The following TMEM132C variants were observed in gnomAD, a reference collection of about 807,000 sequenced individuals.
TMEM132C encodes the protein protein phosphatase 1, regulatory subunit 152.
Under a neutral mutation model 61.4 loss-of-function variants are expected in TMEM132C, and 29 were observed. The observed-to-expected ratio is 0.47, with a 90% CI of 0.35 to 0.64. TMEM132C has a LOEUF of 0.64. Ranked by LOEUF, TMEM132C falls within the 30% of genes least tolerant of loss-of-function variation. The pLI is 0.00. For missense variants in TMEM132C, 1,408 were observed against 1,476.9 expected (o/e 0.95, Z 0.76); for synonymous variants, 656 against 633.1 (o/e 1.04, Z -0.54).
intron 1 of TMEM132C, among the ~76,000 whole-genome samples, chr12:128,317,989 C>A (rs552809200): frequency 1.3e-4 from 20 of 152,210 alleles, no homozygotes; most frequent in African/African-American, 4.8e-4. Flanking sequence ...GAGAAGACAT[C>A]AAAAATATAG....
Position 128,331,409 on chromosome 12 carries a change from C to T in TMEM132C, c.85+63922C>T, listed in dbSNP as rs969098006. 1.3e-5 allele frequency among the ~76,000 whole-genome samples: 2 copies of T among 152,188 alleles called. 1 individual carries two copies. The highest frequency in any genetic ancestry group is 2.9e-5 in the Non-Finnish European group (2 of 67,998). On this transcript the variant is annotated intron_variant, in intron 1 of 8. Coordinates refer to ENST00000435159, the MANE Select transcript of TMEM132C (RefSeq NM_001136103.3). ...AACATGCGAATAATGTACATTGTAC[C>T]CATTAACTAATTTCTCAATACTTCT...
chr12:128,485,344 T>G (rs1871450488), intron 2 of TMEM132C, among the ~76,000 whole-genome samples: 1 of 152,042 alleles, frequency 6.6e-6, no homozygotes, highest in Non-Finnish European at 1.5e-5. Context: ...ACCCAGCTAA[T>G]TTTTGTATTT....
chr12:128,374,716 A>T (rs1203999744), intron 1 of TMEM132C, among the ~76,000 whole-genome samples: 2 of 145,528 alleles, frequency 1.4e-5, no homozygotes, highest in African/African-American at 5.0e-5. Flanking sequence ...CAGTGCAGAG[A>T]TAAGGCCAGC....
intron 2 of TMEM132C, among the ~76,000 whole-genome samples, chr12:128,464,306 C>T (rs1351850031): frequency 6.6e-6 from 1 of 152,142 alleles, no homozygotes; most frequent in East Asian, 1.9e-4. Context: ...ACCTCCCTTT[C>T]TCCCCTGCAT....
At chr12:128,500,771 A>G (rs1370803703) in intron 2 of TMEM132C, among the ~76,000 whole-genome samples, 1 of 152,306 alleles carries the variant, frequency 6.6e-6, no homozygotes, top group South Asian at 2.1e-4. Context: ...CAATTTGTCA[A>G]TTTCTCAGAA....
chr12:128,421,577 T>C (rs1441349528), intron 2 of TMEM132C, among the ~76,000 whole-genome samples: 1 of 151,542 alleles, frequency 6.6e-6, no homozygotes, highest in Admixed American at 6.6e-5. Context: ...TGAACCTTCT[T>C]GGCAAGATCA....
At position 128,625,673 on chromosome 12, in the gene TMEM132C, C is replaced by T. The variant is rs147250765; in HGVS notation, c.1305+9338C>T. ...GAACAGCATAGGGGAAACTGCCCCC[C>T]GTGATTCAATTATTTCCCACTGGGC... On this transcript the variant is annotated intron_variant, in intron 4 of 8. Transcript: ENST00000435159. 8.5e-5 allele frequency among the ~76,000 whole-genome samples: 13 copies of T among 152,296 alleles called. No individual in the cohort carries two copies. In the East Asian group the frequency reaches 1.5e-3, roughly 18 times the overall value.
intron 1 of TMEM132C, among the ~76,000 whole-genome samples, chr12:128,346,606 A>G (rs1414803219): frequency 6.6e-6 from 1 of 152,148 alleles, no homozygotes; most frequent in Non-Finnish European, 1.5e-5. Flanking sequence ...CTTCTTATAG[A>G]GATCCTTCAT....
intron 3 of TMEM132C, among the ~76,000 whole-genome samples, chr12:128,585,124 A>G (rs1875494025): frequency 6.6e-6 from 1 of 152,234 alleles, no homozygotes; most frequent in African/African-American, 2.4e-5. Flanking sequence ...AAACGTCTCT[A>G]CACGTACAGG....
intron 3 of TMEM132C, among the ~76,000 whole-genome samples, chr12:128,581,067 CTTA>C (rs1441378685): frequency 6.6e-6 from 1 of 152,044 alleles, no homozygotes; most frequent in African/African-American, 2.4e-5. Context: ...AGCTGAGGGT[CTTA>C]TTATGAAGAA....
At position 128,669,581 on chromosome 12, in the gene TMEM132C, C is replaced by T. The variant is rs561752570; in HGVS notation, c.1449+21C>T. ...TCAAAGTAAGTCATTCCACAGCCAGCTGGATGGAACCGGTGGGAACTTCAC... is the reference window on the plus strand; with the variant it reads ...TCAAAGTAAGTCATTCCACAGCCAGTTGGATGGAACCGGTGGGAACTTCAC... On this transcript the variant is annotated intron_variant, in intron 5 of 8. Coordinates refer to ENST00000435159, the MANE Select transcript of TMEM132C (RefSeq NM_001136103.3). 1.4e-5 allele frequency: 22 copies of T among 1,549,628 alleles called. No homozygotes were observed. In the African/African-American group the frequency reaches 2.6e-4, roughly 18 times the overall value.
At chr12:128,679,234 A>G (rs1954615518) in intron 5 of TMEM132C, among the ~76,000 whole-genome samples, 1 of 152,176 alleles carries the variant, frequency 6.6e-6, no homozygotes, top group African/African-American at 2.4e-5. Flanking sequence ...AGTTCTCCAC[A>G]CTGTATTGGC....
At chr12:128,375,457 T>A (rs1044279041) in intron 1 of TMEM132C, among the ~76,000 whole-genome samples, 3 of 152,104 alleles carry the variant, frequency 2.0e-5, no homozygotes, top group Non-Finnish European at 4.4e-5. Flanking sequence ...TTTCTTAGCT[T>A]GTGGCTGCAT....
chr12:128,616,088 T>C (rs1308272834), intron 3 of TMEM132C, 64 bp from the exon 4 acceptor site: 19 of 1,511,930 alleles, frequency 1.3e-5, no homozygotes, highest in Non-Finnish European at 1.6e-5. Context: ...TGCGTACTAT[T>C]ATGAGGAGAG....
At chr12:128,406,637 T>C (rs1470534389) in intron 1 of TMEM132C, among the ~76,000 whole-genome samples, 2 of 152,100 alleles carry the variant, frequency 1.3e-5, no homozygotes, top group Non-Finnish European at 2.9e-5. Flanking sequence ...CCTGGAGATA[T>C]GAAGGAGCAA....
chr12:128,449,817 C>T (rs1004063383), intron 2 of TMEM132C, among the ~76,000 whole-genome samples: 1 of 152,186 alleles, frequency 6.6e-6, no homozygotes, highest in East Asian at 1.9e-4. Context: ...GGTGACTAGA[C>T]GTTTCCATGT....
At chr12:128,699,521 G>T (rs4423252) in intron 8 of TMEM132C, among the ~76,000 whole-genome samples, 5 of 152,194 alleles carry the variant, frequency 3.3e-5, no homozygotes, top group African/African-American at 1.2e-4. Context: ...TTCCTTCTCA[G>T]TCCCCACCCT....
chr12:128,382,499 A>G (rs143801657), intron 1 of TMEM132C, among the ~76,000 whole-genome samples: 1 of 152,312 alleles, frequency 6.6e-6, no homozygotes, highest in East Asian at 1.9e-4. Flanking sequence ...CAATAACCAC[A>G]TGTGGCTAAT....
At chr12:128,358,444 G>A (rs1310018950) in intron 1 of TMEM132C, among the ~76,000 whole-genome samples, 1 of 150,978 alleles carries the variant, frequency 6.6e-6, no homozygotes, top group Non-Finnish European at 1.5e-5. Context: ...AATAGCAGTA[G>A]CAAATACTAT....
Sources: gnomAD v4.1 joint callset for allele counts (sites outside exome capture counted in the v4.1 genomes callset) on GRCh38, gnomAD v4.1.1 for gene constraint, MANE v1.5 for transcripts, NCBI Gene and HGNC (gene_info 2026-07-23, HGNC 2026-07-21) for gene names.